FREM2: variants seen among roughly 807,000 people sequenced by gnomAD.
FREM2 encodes the protein FRAS1-related extracellular matrix protein 2.
In FREM2, 119 loss-of-function variants were observed where a neutral mutation model predicts 219.9. That is an observed-to-expected ratio of 0.54 (90% CI 0.47 to 0.63). The LOEUF (loss-of-function observed/expected upper bound fraction) is 0.63, where lower values mean the gene tolerates loss of function less well. Ranked by LOEUF, FREM2 falls within the 30% of genes least tolerant of loss-of-function variation. FREM2 has a pLI of 0.00. For missense variants in FREM2, 4,030 were observed against 3,993.6 expected, an observed-to-expected ratio of 1.01 and a Z score of -0.25; for synonymous variants, 1,562 against 1,522.8, an observed-to-expected ratio of 1.03 and a Z score of -0.60.
chr13:38,762,291 G>T (rs937037449), intron 2 of FREM2, among the ~76,000 whole-genome samples: 1 of 152,160 alleles, frequency 6.6e-6, no homozygotes, highest in Non-Finnish European at 1.5e-5. Context: ...CAGTTCTGAG[G>T]AGCCTCCTAG....
At chr13:38,800,867 T>C (rs1179230116) in intron 6 of FREM2, among the ~76,000 whole-genome samples, 5 of 152,286 alleles carry the variant, frequency 3.3e-5, no homozygotes. Flanking sequence ...TGACCTCAGG[T>C]GATCTGCCCA....
chr13:38,799,193 T>A (rs1477012158), intron 6 of FREM2, among the ~76,000 whole-genome samples: 4 of 151,964 alleles, frequency 2.6e-5, no homozygotes, highest in African/African-American at 9.7e-5. Context: ...TTTCAAGAAA[T>A]TTTTTTTCTA....
chr13:38,796,609 T>C lies in FREM2; in HGVS notation c.6019+11801T>C, dbSNP rs114274843. 5.1e-3 allele frequency among the ~76,000 whole-genome samples: 771 copies of C among 152,292 alleles called. 4 individuals are homozygous for C. The highest frequency in any genetic ancestry group is 0.018 in the African/African-American group (749 of 41,580). On this transcript the variant is annotated intron_variant, in intron 6 of 23. Coordinates refer to ENST00000280481, the MANE Select transcript of FREM2 (RefSeq NM_207361.6). ...TGTCCATATTTCAGTTCTGTGAATA[T>C]AATGCACTTGATTGCTTGTGAATTC...
intron 6 of FREM2, among the ~76,000 whole-genome samples, chr13:38,821,352 C>T (rs1348682143): frequency 1.3e-5 from 2 of 151,926 alleles, no homozygotes; most frequent in Admixed American, 6.6e-5. Flanking sequence ...ATTGCCCAGT[C>T]AAATATAGTG....
Position 38,885,588 on chromosome 13 carries a change from AC to A in FREM2, c.*4803del, listed in dbSNP as rs1041368411. The A allele has an allele frequency of 7.9e-5, 12 of 152,142 alleles. No individual in the cohort carries two copies. Among genetic ancestry groups the A allele is most frequent in the Admixed American group, 1.3e-4 (2 of 15,266 alleles). The allele number at this position is 152,142 out of a possible 1,614,324, so 9.4% of individuals were successfully genotyped here. A position where few individuals can be genotyped will look rare whatever the true frequency, so the allele number is the denominator to read the frequency against. ...ATAATGCTCTCTTTTTCATTTCAAAACCATTACCACTTTCAATATGTAATTA... is the reference window on the plus strand; with the variant it reads ...ATAATGCTCTCTTTTTCATTTCAAAACATTACCACTTTCAATATGTAATTA... On this transcript the variant is annotated 3_prime_UTR_variant, in exon 24 of 24. Transcript: ENST00000280481.
intron 21 of FREM2, among the ~76,000 whole-genome samples, chr13:38,877,887 T>G (rs7332206): frequency 2.6e-5 from 4 of 152,208 alleles, no homozygotes; most frequent in Non-Finnish European, 5.9e-5. Context: ...TTATTCACAC[T>G]AGTGGCTGAG....
intron 6 of FREM2, among the ~76,000 whole-genome samples, chr13:38,807,720 T>G (rs1237419688): frequency 3.3e-5 from 5 of 151,976 alleles, no homozygotes; most frequent in Non-Finnish European, 5.9e-5. Context: ...GCTTAAAATA[T>G]TCATTAAACT....
chr13:38,721,883 C>T (rs1426845238), intron 2 of FREM2, among the ~76,000 whole-genome samples: 1 of 152,138 alleles, frequency 6.6e-6, no homozygotes, highest in African/African-American at 2.4e-5. Flanking sequence ...TTCTGTCCTT[C>T]CTGTATACTA....
At chr13:38,880,041 A>C (rs764454082) in intron 23 of FREM2, among the ~76,000 whole-genome samples, 4 of 151,664 alleles carry the variant, frequency 2.6e-5, no homozygotes, top group Admixed American at 6.6e-5. Context: ...GTTCTTTAGA[A>C]CTCTCTCATT....
Position 38,688,061 on chromosome 13 carries a change from C to A in FREM2, c.717C>A (p.Val239=). 6.2e-7 allele frequency: 1 copy of A among 1,609,080 alleles called. No individual in the cohort carries two copies. The highest frequency in any genetic ancestry group is 8.5e-7 in the Non-Finnish European group (1 of 1,176,222). Residue 239 remains valine, a synonymous_variant, in exon 1 of 24, where the codon GTC becomes GTA. Coordinates refer to ENST00000280481, the MANE Select transcript of FREM2 (RefSeq NM_207361.6). ...RYGELLHYPQ[V]PGGAREGGAP... The stretch of plus-strand genomic sequence containing the variant: ...GAGAACTCCTCCACTACCCGCAGGT[C>A]CCTGGAGGAGCCAGAGAGGGAGGCG...
intron 6 of FREM2, among the ~76,000 whole-genome samples, chr13:38,839,911 C>T (rs1488108090): frequency 2.6e-5 from 4 of 152,166 alleles, no homozygotes; most frequent in Non-Finnish European, 5.9e-5. Context: ...GTGGGATCCA[C>T]TGAGCTAAAC....
chr13:38,848,456 C>A lies in FREM2; in HGVS notation c.6170-5C>A. ...CAACTGAATATTTTTTTGTTACTGT[C>A]ATAGCTGGAACAGACTATGTGGGCA... On this transcript the variant is annotated splice_region_variant and splice_polypyrimidine_tract_variant and intron_variant, in intron 7 of 23. Coordinates refer to ENST00000280481, the MANE Select transcript of FREM2 (RefSeq NM_207361.6). 1 of 1,608,238 alleles carries A rather than the reference C, an allele frequency of 6.2e-7. No homozygotes were observed. Among genetic ancestry groups the A allele is most frequent in the South Asian group, 1.1e-5 (1 of 90,916 alleles).
rs991900389 is a variant in FREM2, at chr13:38,859,176, A to C, written c.7216-111A>C. 25 of 999,974 alleles carry C rather than the reference A, an allele frequency of 2.5e-5. No homozygotes were observed. In the East Asian group the frequency reaches 4.8e-4, roughly 19 times the overall value. 61.9% of individuals were successfully genotyped at this position (999,974 alleles called of 1,614,324 possible). A position where few individuals can be genotyped will look rare whatever the true frequency, so the allele number is the denominator to read the frequency against. On this transcript the variant is annotated intron_variant, in intron 13 of 23. Coordinates refer to ENST00000280481, the MANE Select transcript of FREM2 (RefSeq NM_207361.6). ...AAAATTCGGAAGCTGTATAAACAGC[A>C]TGTGGAAATTGGGGAAAGCAGCAGT...
chr13:38,868,615 A>T (rs1277918956), intron 16 of FREM2, among the ~76,000 whole-genome samples: 2 of 152,230 alleles, frequency 1.3e-5, no homozygotes, highest in Non-Finnish European at 2.9e-5. Flanking sequence ...GCCTGACAGC[A>T]TTCATGAAAA....
chr13:38,805,837 G>A (rs1456542929), intron 6 of FREM2, among the ~76,000 whole-genome samples: 2 of 151,774 alleles, frequency 1.3e-5, no homozygotes, highest in Non-Finnish European at 2.9e-5. Flanking sequence ...GTACATTAAT[G>A]GAATTGTCAA....
chr13:38,747,449 C>A lies in FREM2; in HGVS notation c.5264-16855C>A, dbSNP rs557229603. On this transcript the variant is annotated intron_variant, in intron 2 of 23. Transcript: ENST00000280481. ...TGTGTATTCATCTGTTGCCCTAAAT[C>A]TCCAGAGTGCCTGGTGAGTGTGTAT... Among the ~76,000 whole-genome samples, 37 of 147,558 alleles carry A rather than the reference C, an allele frequency of 2.5e-4. No individual in the cohort carries two copies. The East Asian group carries it at 7.1e-3, about 28-fold the overall frequency.
intron 7 of FREM2, among the ~76,000 whole-genome samples, chr13:38,846,962 T>C (rs1003642805): frequency 6.6e-6 from 1 of 152,192 alleles, no homozygotes; most frequent in African/African-American, 2.4e-5. Context: ...AGGATCTGTA[T>C]ACTGAGGCCT....
intron 6 of FREM2, among the ~76,000 whole-genome samples, chr13:38,840,701 TATAC>T (rs1435638623): frequency 4.2e-5 from 6 of 144,438 alleles, no homozygotes; most frequent in African/African-American, 1.6e-4. Flanking sequence ...TATGTGCATA[TATAC>T]ACACACACAC....
chr13:38,742,457 G>A (rs1006156944), intron 2 of FREM2, among the ~76,000 whole-genome samples: 1 of 152,162 alleles, frequency 6.6e-6, no homozygotes, highest in Admixed American at 6.6e-5. Context: ...TGGCAGTATC[G>A]ATTTTTGGGT....
Sources: gnomAD v4.1 joint callset for allele counts (sites outside exome capture counted in the v4.1 genomes callset) on GRCh38, gnomAD v4.1.1 for gene constraint, MANE v1.5 for transcripts, NCBI Gene and HGNC (gene_info 2026-07-23, HGNC 2026-07-21) for gene names.